Variants in THADA observed in about 807,000 individuals in gnomAD.
THADA encodes THADA armadillo repeat containing, also known as tRNA (32-2'-O)-methyltransferase regulator THADA.
THADA carries 213 observed loss-of-function variants against 219.8 expected under a neutral mutation model. The ratio of observed to expected loss-of-function variants is 0.97; its 90% CI spans 0.87 to 1.09. The LOEUF is 1.09. Ranked by LOEUF, THADA falls within the 50% of genes least tolerant of loss-of-function variation. The pLI, the probability that THADA is intolerant of heterozygous loss-of-function variation, is 0.00. For missense variants in THADA, 2,956 were observed against 2,311.3 expected (o/e 1.28, Z -5.72); for synonymous variants, 1,018 against 828.9 (o/e 1.23, Z -3.92).
intron 24 of THADA, among the ~76,000 whole-genome samples, chr2:43,504,994 G>A (rs539357632): frequency 6.6e-6 from 1 of 152,170 alleles, no homozygotes; most frequent in Admixed American, 6.5e-5. Flanking sequence ...ACTCCCTAGT[G>A]GTGAAGTGGA....
intron 22 of THADA, among the ~76,000 whole-genome samples, chr2:43,521,694 T>C (rs989802328): frequency 1.3e-5 from 2 of 152,240 alleles, no homozygotes; most frequent in Non-Finnish European, 2.9e-5. Flanking sequence ...AGCAGATCAC[T>C]GAAGCAAATT....
At chr2:43,257,467 G>A (rs1670460493) in intron 36 of THADA, among the ~76,000 whole-genome samples, 2 of 152,234 alleles carry the variant, frequency 1.3e-5, no homozygotes, top group African/African-American at 2.4e-5. Context: ...GGGCTTCGGG[G>A]CAGCACAGGA....
chr2:43,520,717 C>T (rs528899564), intron 22 of THADA, among the ~76,000 whole-genome samples: 8,722 of 104,350 alleles, frequency 0.084, 267 homozygotes, highest in South Asian at 0.16. Context: ...TATATATACA[C>T]ACACACACAC....
At chr2:43,393,707 TAAA>T (rs34360060) in intron 29 of THADA, among the ~76,000 whole-genome samples, 5 of 132,796 alleles carry the variant, frequency 3.8e-5, no homozygotes, top group Non-Finnish European at 6.5e-5. Flanking sequence ...GACTCCGTCT[TAAA>T]AAAAAAAAAA....
At chr2:43,359,001 T>C (rs1669189532) in intron 29 of THADA, among the ~76,000 whole-genome samples, 1 of 152,156 alleles carries the variant, frequency 6.6e-6, no homozygotes, top group South Asian at 2.1e-4. Context: ...TTTGGGTGGT[T>C]GCCCTTCCCC....
chr2:43,328,041 C>G (rs1229799317), intron 30 of THADA, among the ~76,000 whole-genome samples: 1 of 152,072 alleles, frequency 6.6e-6, no homozygotes, highest in Non-Finnish European at 1.5e-5. Context: ...TTGATGGAGG[C>G]CACATTAAGC....
chr2:43,578,429 G>T (rs1017007914), intron 9 of THADA, 84 bp downstream of exon 9: 18 of 979,520 alleles, frequency 1.8e-5, no homozygotes, highest in Non-Finnish European at 2.7e-5. Flanking sequence ...TTATAAGTGT[G>T]AGCCACTGCA....
At chr2:43,457,111 G>C (rs929806978) in intron 26 of THADA, among the ~76,000 whole-genome samples, 1 of 146,384 alleles carries the variant, frequency 6.8e-6, no homozygotes, top group Non-Finnish European at 1.5e-5. Flanking sequence ...CACATCGGTA[G>C]AAAAAACGTA....
At chr2:43,264,310 T>C (rs11679451) in intron 36 of THADA, among the ~76,000 whole-genome samples, 1 of 147,726 alleles carries the variant, frequency 6.8e-6, no homozygotes, top group Non-Finnish European at 1.5e-5. Context: ...TTTGAGACGG[T>C]GTTTTGCTCT....
At chr2:43,545,544 T>C (rs955000568) in intron 20 of THADA, among the ~76,000 whole-genome samples, 2 of 152,242 alleles carry the variant, frequency 1.3e-5, no homozygotes, top group African/African-American at 4.8e-5. Context: ...ATTGCCACAA[T>C]TTCAGAGCCT....
chr2:43,416,093 C>T (rs1341059041), intron 28 of THADA, among the ~76,000 whole-genome samples: 1 of 152,046 alleles, frequency 6.6e-6, no homozygotes, highest in Non-Finnish European at 1.5e-5. Context: ...AGTATTAAGT[C>T]AATTTTACTT....
At chr2:43,280,235 G>A (rs1673185407) in intron 35 of THADA, among the ~76,000 whole-genome samples, 1 of 152,176 alleles carries the variant, frequency 6.6e-6, no homozygotes, top group Non-Finnish European at 1.5e-5. Flanking sequence ...AAAACTTTAT[G>A]CATAAGACTG....
intron 36 of THADA, among the ~76,000 whole-genome samples, chr2:43,256,031 A>T (rs1670273213): frequency 6.6e-6 from 1 of 152,202 alleles, no homozygotes; most frequent in African/African-American, 2.4e-5. Flanking sequence ...CATTTGCTGA[A>T]ATGTCAAGGG....
intron 25 of THADA, among the ~76,000 whole-genome samples, chr2:43,496,308 C>A (rs184899879): frequency 6.6e-6 from 1 of 152,116 alleles, no homozygotes; most frequent in African/African-American, 2.4e-5. Context: ...AGAAAACACA[C>A]GAAAAATTAC....
chr2:43,354,643 C>A (rs561684672), intron 29 of THADA, among the ~76,000 whole-genome samples: 2 of 152,258 alleles, frequency 1.3e-5, no homozygotes, highest in East Asian at 3.9e-4. Context: ...TTTCACTTAA[C>A]ATGGAACCTC....
chr2:43,487,690 T>C (rs1263978619), intron 25 of THADA, among the ~76,000 whole-genome samples: 4 of 152,142 alleles, frequency 2.6e-5, no homozygotes, highest in Non-Finnish European at 5.9e-5. Context: ...ACGAATGCGA[T>C]TAGTGCCCTT....
At chr2:43,371,170 T>A (rs1670758222) in intron 29 of THADA, among the ~76,000 whole-genome samples, 1 of 152,208 alleles carries the variant, frequency 6.6e-6, no homozygotes, top group Non-Finnish European at 1.5e-5. Context: ...ACCATAAGCT[T>A]CAGTCCTTGG....
intron 29 of THADA, among the ~76,000 whole-genome samples, chr2:43,367,917 G>C (rs564073205): frequency 6.5e-4 from 99 of 152,218 alleles, no homozygotes; most frequent in Non-Finnish European, 1.2e-3. Flanking sequence ...AAGAGATCGA[G>C]ACCATCCTGG....
Position 43,329,918 on chromosome 2 carries a change from G to A in THADA, c.4344-9378C>T, listed in dbSNP as rs758831454. On this transcript the variant is annotated intron_variant, in intron 30 of 37. Transcript: ENST00000405975. Reference sequence around the variant, plus strand: ...CGTTATTTGACAATAGATAGTTCCCGTATCTTCTTAGCACTTTTATGTTTA... The same window carrying A: ...CGTTATTTGACAATAGATAGTTCCCATATCTTCTTAGCACTTTTATGTTTA... Among the ~76,000 whole-genome samples the A allele has an allele frequency of 3.9e-5, 6 of 152,304 alleles. No homozygotes were observed. In the South Asian group the frequency reaches 6.2e-4, roughly 16 times the overall value.
Sources: allele counts gnomAD v4.1 joint callset (sites outside exome capture counted in the v4.1 genomes callset), GRCh38; gene constraint gnomAD v4.1.1; transcripts MANE v1.5; gene names NCBI Gene and HGNC (gene_info 2026-07-23, HGNC 2026-07-21).